Variants in PARD3B observed in about 807,000 individuals in gnomAD.
The protein encoded by PARD3B is par-3 family cell polarity regulator beta.
PARD3B carries 103 observed loss-of-function variants against 130.2 expected under a neutral mutation model. The ratio of observed to expected loss-of-function variants is 0.79; its 90% CI spans 0.67 to 0.93. The LOEUF (loss-of-function observed/expected upper bound fraction) is 0.93, where lower values mean the gene tolerates loss of function less well. Ranked by LOEUF, PARD3B falls within the 40% of genes least tolerant of loss-of-function variation. The probability of loss-of-function intolerance (pLI) is 0.00; values close to 1 mark genes in which losing one functional copy is unlikely to be tolerated. For missense variants in PARD3B, 1,609 were observed against 1,499.2 expected (o/e 1.07, Z -1.21); for synonymous variants, 583 against 553.2 (o/e 1.05, Z -0.76).
chr2:205,325,013 ACTCT>A lies in PARD3B; in HGVS notation c.2630+23315_2630+23318del, dbSNP rs2042891556. ...TTCGTTACCAAGTTCCACAAATTCT[ACTCT>A]CTAAGAATCTAAATTCTCTCTCCAT... On this transcript the variant is annotated intron_variant, in intron 18 of 22. Coordinates refer to ENST00000406610, the MANE Select transcript of PARD3B (RefSeq NM_001302769.2). The surrounding 1 kb of genome is among the most constrained non-coding windows in gnomAD (Gnocchi z 4.1). Among the ~76,000 whole-genome samples the A allele has an allele frequency of 6.6e-6, 1 of 152,072 alleles. No individual in the cohort carries two copies. The highest frequency in any genetic ancestry group is 2.1e-4 in the South Asian group (1 of 4,816).
At chr2:205,372,064 A>T (rs1218689215) in intron 18 of PARD3B, among the ~76,000 whole-genome samples, 1 of 152,166 alleles carries the variant, frequency 6.6e-6, no homozygotes, top group Non-Finnish European at 1.5e-5. Flanking sequence ...TCATCAGTTG[A>T]TGGACATTTG....
rs2044008989 is a variant in PARD3B, at chr2:205,351,929, T to C, written c.2631-49084T>C. Among the ~76,000 whole-genome samples, 1 of 152,158 alleles carries C rather than the reference T, an allele frequency of 6.6e-6. No individual in the cohort carries two copies. The highest frequency in any genetic ancestry group is 2.4e-5 in the African/African-American group (1 of 41,434). On this transcript the variant is annotated intron_variant, in intron 18 of 22. Transcript: ENST00000406610. The surrounding 1 kb of genome is among the most constrained non-coding windows in gnomAD (Gnocchi z 4.2). Reference sequence around the variant, plus strand: ...TCTGTCAAGCTACCTGCCTCCCAGGTACACGCGTATTGCTGAGGAAACACA... The same window carrying C: ...TCTGTCAAGCTACCTGCCTCCCAGGCACACGCGTATTGCTGAGGAAACACA...
chr2:205,442,763 T>TA (rs1318368218), intron 20 of PARD3B, among the ~76,000 whole-genome samples: 1 of 152,226 alleles, frequency 6.6e-6, no homozygotes, highest in Non-Finnish European at 1.5e-5. Flanking sequence ...TAGGAAACTC[T>TA]ACTAACTAAT....
chr2:205,108,382 T>G (rs954473250), intron 5 of PARD3B, among the ~76,000 whole-genome samples: 2 of 152,156 alleles, frequency 1.3e-5, no homozygotes, highest in African/African-American at 4.8e-5. Flanking sequence ...AGCCAGAAAT[T>G]TAACACACCA....
intron 1 of PARD3B, among the ~76,000 whole-genome samples, chr2:204,553,583 A>T (rs1310309099): frequency 3.2e-5 from 2 of 62,142 alleles, no homozygotes; most frequent in African/African-American, 1.1e-4. Context: ...TGTATATATA[A>T]GGCTATATAC....
At chr2:204,769,503 G>T (rs2041271377) in intron 2 of PARD3B, among the ~76,000 whole-genome samples, 1 of 28,242 alleles carries the variant, frequency 3.5e-5, no homozygotes, top group Non-Finnish European at 5.2e-5. Flanking sequence ...GTATCAGAAT[G>T]ATGCTGGCCT....
In PARD3B at chr2:205,263,548, A is replaced by G. The variant is rs1223541375; in HGVS notation, c.2185+17726A>G. Among the ~76,000 whole-genome samples the G allele has an allele frequency of 6.6e-6, 1 of 151,238 alleles. No individual in the cohort carries two copies. Among genetic ancestry groups the G allele is most frequent in the Non-Finnish European group, 1.5e-5 (1 of 67,702 alleles). On this transcript the variant is annotated intron_variant, in intron 16 of 22. Coordinates refer to ENST00000406610, the MANE Select transcript of PARD3B (RefSeq NM_001302769.2). This position sits in a 1 kb window ranked among gnomAD's most constrained non-coding sequence, Gnocchi z 4.0. Reference sequence around the variant, plus strand: ...AAAAGAAAAAATAACCTCCGTCTATACCTTACACCATATAAGAAGCTAATC... The same window carrying G: ...AAAAGAAAAAATAACCTCCGTCTATGCCTTACACCATATAAGAAGCTAATC...
At chr2:205,554,897 TC>T (rs1305142657) in intron 22 of PARD3B, among the ~76,000 whole-genome samples, 3 of 152,210 alleles carry the variant, frequency 2.0e-5, no homozygotes, top group Non-Finnish European at 2.9e-5. Context: ...GACTTGAGCA[TC>T]TGTGGATTCT....
At chr2:205,185,258 GTGTT>G (rs2036030087) in intron 13 of PARD3B, among the ~76,000 whole-genome samples, 2 of 146,430 alleles carry the variant, frequency 1.4e-5, no homozygotes, top group Non-Finnish European at 3.0e-5. Context: ...GCACGTTTGT[GTGTT>G]TGTGTGTGTG....
intron 2 of PARD3B, among the ~76,000 whole-genome samples, chr2:204,850,780 C>A (rs2044674875): frequency 6.6e-6 from 1 of 152,164 alleles, no homozygotes; most frequent in South Asian, 2.1e-4. Flanking sequence ...TGAGCTAGGG[C>A]AGGGACTGTG....
At chr2:205,093,389 A>G (rs1702223784) in intron 4 of PARD3B, among the ~76,000 whole-genome samples, 1 of 152,118 alleles carries the variant, frequency 6.6e-6, no homozygotes, top group South Asian at 2.1e-4. Context: ...CAGACCTGTA[A>G]AGAAATCTTC....
At position 204,840,541 on chromosome 2, in the gene PARD3B, T is replaced by G. The variant is rs77673165; in HGVS notation, c.223-124611T>G. Among the ~76,000 whole-genome samples, 5 of 152,218 alleles carry G rather than the reference T, an allele frequency of 3.3e-5. No homozygotes were observed. The East Asian group carries it at 9.6e-4, about 29-fold the overall frequency. ...AAATAGATGAATTTGTCCTTTTTTT[T>G]TTTAACTATGGTCCTTAGACAATAG... On this transcript the variant is annotated intron_variant, in intron 2 of 22. Transcript: ENST00000406610.
chr2:204,950,664 T>C (rs1228123124), intron 2 of PARD3B, among the ~76,000 whole-genome samples: 1 of 152,176 alleles, frequency 6.6e-6, no homozygotes, highest in Non-Finnish European at 1.5e-5. Flanking sequence ...CTTTCGTATT[T>C]AAATGAAACA....
chr2:205,157,358 T>G (rs1334148959), intron 10 of PARD3B, among the ~76,000 whole-genome samples: 1 of 152,198 alleles, frequency 6.6e-6, no homozygotes, highest in African/African-American at 2.4e-5. Context: ...AGAGCTAACT[T>G]GTAATAGATT....
At chr2:205,597,529 T>C (rs1691313494) in intron 22 of PARD3B, among the ~76,000 whole-genome samples, 1 of 152,218 alleles carries the variant, frequency 6.6e-6, no homozygotes. Context: ...TTATTTACCT[T>C]TGGGTATACA....
chr2:205,000,003 G>A (rs1415130375), intron 3 of PARD3B, among the ~76,000 whole-genome samples: 2 of 151,754 alleles, frequency 1.3e-5, no homozygotes, highest in Non-Finnish European at 2.9e-5. Flanking sequence ...AATATAAGGA[G>A]TGTTCAAGTC....
intron 4 of PARD3B, among the ~76,000 whole-genome samples, chr2:205,073,482 A>G (rs1289430672): frequency 2.0e-5 from 3 of 152,190 alleles, no homozygotes; most frequent in Non-Finnish European, 4.4e-5. Flanking sequence ...TTCGGGAAAA[A>G]AAGTCCAAAT....
chr2:205,035,038 CT>C (rs1697707621), intron 3 of PARD3B, among the ~76,000 whole-genome samples: 3 of 151,762 alleles, frequency 2.0e-5, no homozygotes, highest in Admixed American at 6.6e-5. Flanking sequence ...TTTTTTTGTA[CT>C]TTTAGTAGAG....
At chr2:205,243,689 G>A (rs1445261011) in intron 15 of PARD3B, among the ~76,000 whole-genome samples, 1 of 152,136 alleles carries the variant, frequency 6.6e-6, no homozygotes, top group Non-Finnish European at 1.5e-5. Context: ...CTCAGGTAAT[G>A]ACTCTTCTGT....
Sources: gnomAD v4.1 joint callset for allele counts (sites outside exome capture counted in the v4.1 genomes callset) on GRCh38, gnomAD v4.1.1 for gene constraint, Gnocchi (gnomAD v3.1) non-coding constraint, MANE v1.5 for transcripts, NCBI Gene and HGNC (gene_info 2026-07-23, HGNC 2026-07-21) for gene names.